The following EPG5 variants were observed in gnomAD, a reference collection of about 807,000 sequenced individuals.
The protein encoded by EPG5 is ectopic P granules protein 5 homolog.
Under a neutral mutation model 302.7 loss-of-function variants are expected in EPG5, and 159 were observed. That is an observed-to-expected ratio of 0.53 (90% CI 0.46 to 0.60). EPG5 has a LOEUF of 0.60. Among genes scored for constraint, EPG5 ranks in the 20% least tolerant of loss-of-function variants. The pLI, the probability that EPG5 is intolerant of heterozygous loss-of-function variation, is 0.00. For missense variants in EPG5, 2,896 were observed against 3,092.4 expected (o/e 0.94, Z 1.51); for synonymous variants, 1,158 against 1,136.8 (o/e 1.02, Z -0.37).
the EPG5 span, among the ~76,000 whole-genome samples, chr18:45,817,248 T>A: frequency 6.6e-6 from 1 of 151,550 alleles, no homozygotes; most frequent in Non-Finnish European, 1.5e-5. Context: ...CACCACCTGT[T>A]CCCCAATAAC....
At chr18:45,817,169 T>C in the EPG5 span, among the ~76,000 whole-genome samples, 1 of 152,144 alleles carries the variant, frequency 6.6e-6, no homozygotes, top group African/African-American at 2.4e-5. Context: ...ATGCATTGTA[T>C]ACTTCTCAGG....
At position 45,904,178 on chromosome 18, in the gene EPG5, T is replaced by C. The variant is rs2145612399; in HGVS notation, c.4330-61A>G. ...CAAGTCATAGATTCACATATAAAAC[T>C]ATGTATTTAACTATAAAGTGAACCA... On this transcript the variant is annotated intron_variant, in intron 24 of 43. Transcript: ENST00000282041. 5 of 1,561,324 alleles carry C rather than the reference T, an allele frequency of 3.2e-6. No homozygotes were observed. In the South Asian group the frequency reaches 4.7e-5, roughly 15 times the overall value.
At chr18:45,963,270 T>C (rs1358248389) in intron 1 of EPG5, among the ~76,000 whole-genome samples, 1 of 152,166 alleles carries the variant, frequency 6.6e-6, no homozygotes, top group East Asian at 1.9e-4. Context: ...ACTGTTTAGC[T>C]GACACCTCAC....
chr18:45,842,366 A>G, the EPG5 span: 1 of 620,386 alleles, frequency 1.6e-6, no homozygotes, highest in Admixed American at 2.9e-5. Flanking sequence ...TCCTATGTGG[A>G]CAACCATTTC....
chr18:45,915,675 A>G (rs1406491266), intron 19 of EPG5, 54 bp from the exon 20 acceptor site: 37 of 1,349,738 alleles, frequency 2.7e-5, no homozygotes, highest in Non-Finnish European at 3.8e-5. Context: ...AATCTTATCA[A>G]TGACCTTTAC....
At chr18:45,913,066 G>A (rs1190891874) in intron 21 of EPG5, among the ~76,000 whole-genome samples, 2 of 150,280 alleles carry the variant, frequency 1.3e-5, no homozygotes, top group Non-Finnish European at 2.9e-5. Flanking sequence ...ATTCCAGCCC[G>A]GGCGACAGGG....
chr18:45,852,776 C>T, intron 43 of EPG5, 127 bp from the exon 44 acceptor site: 1 of 821,168 alleles, frequency 1.2e-6, no homozygotes, highest in East Asian at 2.6e-5. Flanking sequence ...GCCTACAGAA[C>T]TGAGGCCAGG....
chr18:45,818,122 T>C, the EPG5 span, among the ~76,000 whole-genome samples: 1 of 152,228 alleles, frequency 6.6e-6, no homozygotes, highest in Admixed American at 6.5e-5. Flanking sequence ...CATACATATA[T>C]GTTCTAATCT....
chr18:45,888,520 G>C (rs2049267240), intron 28 of EPG5, among the ~76,000 whole-genome samples: 1 of 152,104 alleles, frequency 6.6e-6, no homozygotes, highest in Non-Finnish European at 1.5e-5. Context: ...GGCCAGGCTG[G>C]TCTTGAACTC....
the EPG5 span, among the ~76,000 whole-genome samples, chr18:45,824,521 T>A: frequency 0.018 from 2,785 of 152,302 alleles, 92 homozygotes; most frequent in African/African-American, 0.064. Context: ...AACAATGAAA[T>A]GTCATGAAAG....
chr18:45,890,392 T>C (rs2049315943), intron 27 of EPG5, among the ~76,000 whole-genome samples: 1 of 152,066 alleles, frequency 6.6e-6, no homozygotes, highest in South Asian at 2.1e-4. Context: ...AAAATATATA[T>C]AATCATAAAA....
the EPG5 span, chr18:45,840,172 T>A: frequency 1.2e-6 from 2 of 1,611,028 alleles, no homozygotes; most frequent in Middle Eastern, 3.3e-4. Context: ...CAGACTGCGG[T>A]GGAGATTCAT....
At chr18:45,856,920 A>AT (rs1412258858) in intron 42 of EPG5, among the ~76,000 whole-genome samples, 1 of 151,666 alleles carries the variant, frequency 6.6e-6, no homozygotes, top group Non-Finnish European at 1.5e-5. Context: ...CCTTTTATTC[A>AT]TTTTTTCTGT....
At chr18:45,919,613 C>T (rs1376019950) in intron 16 of EPG5, among the ~76,000 whole-genome samples, 2 of 151,380 alleles carry the variant, frequency 1.3e-5, no homozygotes, top group African/African-American at 2.4e-5. Context: ...CCCAGGTTCA[C>T]GCCATTCTCC....
At position 45,925,011 on chromosome 18, in the gene EPG5, T is replaced by C. The variant is rs1244354260; in HGVS notation, c.2718+727A>G. On this transcript the variant is annotated intron_variant, in intron 14 of 43. Coordinates refer to ENST00000282041, the MANE Select transcript of EPG5 (RefSeq NM_020964.3). ...TCACACAGCCAGAAGGTGGCAGAAC[T>C]GGGATCAGAACCCAGGGAGGCTGGC... 2.6e-5 allele frequency among the ~76,000 whole-genome samples: 4 copies of C among 152,318 alleles called. No individual in the cohort carries two copies. In the East Asian group the frequency reaches 7.7e-4, roughly 29 times the overall value.
At chr18:45,829,413 T>C in the EPG5 span, among the ~76,000 whole-genome samples, 2 of 152,202 alleles carry the variant, frequency 1.3e-5, no homozygotes, top group Non-Finnish European at 2.9e-5. Context: ...CTTTCTCTGC[T>C]GATAACCTAT....
rs2048554464 is a variant in EPG5 at position 45,858,073 on chromosome 18, G to C, written c.7227-5C>G. ...TTTGCCTCTTCCTCCACGGAGCTAG[G>C]GGAGGCACCGGAGGAAAATAAAATT... is the stretch of plus-strand genomic sequence containing the variant. On this transcript the variant is annotated splice_polypyrimidine_tract_variant and splice_region_variant and intron_variant, in intron 41 of 43. Transcript: ENST00000282041. 6.2e-7 allele frequency: 1 copy of C among 1,606,358 alleles called. No individual in the cohort carries two copies. Among genetic ancestry groups the C allele is most frequent in the African/African-American group, 1.3e-5 (1 of 74,742 alleles).
At chr18:45,938,318 C>T (rs961019629) in intron 10 of EPG5, among the ~76,000 whole-genome samples, 1 of 151,996 alleles carries the variant, frequency 6.6e-6, no homozygotes, top group Non-Finnish European at 1.5e-5. Flanking sequence ...AAAAATTAGC[C>T]GGGCATGATG....
chr18:45,876,169 G>T, intron 35 of EPG5, 67 bp downstream of exon 35: 1 of 1,061,710 alleles, frequency 9.4e-7, no homozygotes, highest in Non-Finnish European at 1.4e-6. Context: ...GAGGAAAGTA[G>T]AAGAAAAAGA....
Sources: allele counts gnomAD v4.1 joint callset (sites outside exome capture counted in the v4.1 genomes callset), GRCh38; gene constraint gnomAD v4.1.1; transcripts MANE v1.5; gene names NCBI Gene and HGNC (gene_info 2026-07-23, HGNC 2026-07-21).